Variants in LRRC9 observed in about 807,000 individuals in gnomAD.
LRRC9 encodes the protein leucine rich repeat containing 9.
Under a neutral mutation model 63.2 loss-of-function variants are expected in LRRC9, and 122 were observed. The ratio of observed to expected loss-of-function variants is 1.93; its 90% CI spans 1.67 to 2.24. The LOEUF is 2.24. Ranked by LOEUF, LRRC9 falls within the 30% of genes most tolerant of loss-of-function variation. The pLI is 0.00. For synonymous variants in LRRC9, 366 were observed against 213.1 expected (o/e 1.72, Z -6.25); for missense variants, 1,071 against 627.7 (o/e 1.71, Z -7.55).
intron 10 of LRRC9, among the ~76,000 whole-genome samples, chr14:59,965,153 T>C (rs1291536884): frequency 6.6e-6 from 1 of 152,204 alleles, no homozygotes; most frequent in Non-Finnish European, 1.5e-5. Flanking sequence ...CATCTTAATC[T>C]AGGTTCTGTG....
chr14:59,957,651 C>T (rs1883907900), intron 8 of LRRC9, among the ~76,000 whole-genome samples: 1 of 152,136 alleles, frequency 6.6e-6, no homozygotes, highest in Non-Finnish European at 1.5e-5. Context: ...GTCTCATTCT[C>T]TGTTCAGTTT....
At chr14:59,984,935 AGATTT>A (rs1887303710) in intron 16 of LRRC9, among the ~76,000 whole-genome samples, 165 bp from the exon 17 acceptor site, 1 of 152,232 alleles carries the variant, frequency 6.6e-6, no homozygotes, top group African/African-American at 2.4e-5. Context: ...ATCATAGATT[AGATTT>A]TTTTTCTTAT....
chr14:60,036,570 A>G (rs140794976), intron 29 of LRRC9, among the ~76,000 whole-genome samples: 2 of 152,308 alleles, frequency 1.3e-5, no homozygotes, highest in African/African-American at 4.8e-5. Flanking sequence ...CATCTTATGA[A>G]TAGACTCAGG....
rs1175347734 is a variant in LRRC9, at chr14:59,930,616, A to G, written c.268-302A>G. ...ACCATATGATCATAATCATTTCTAT[A>G]TGATTATAATCATAACCATATAGAA... On this transcript the variant is annotated intron_variant, in intron 3 of 31. Coordinates refer to ENST00000445360, the Ensembl canonical transcript of LRRC9. The surrounding 1 kb of genome is among the most constrained non-coding windows in gnomAD (Gnocchi z 4.9). Among the ~76,000 whole-genome samples, 2 of 151,806 alleles carry G rather than the reference A, an allele frequency of 1.3e-5. No individual in the cohort carries two copies. The highest frequency in any genetic ancestry group is 2.9e-5 in the Non-Finnish European group (2 of 67,860).
At chr14:60,050,775 T>C (rs1893828131) in intron 29 of LRRC9, among the ~76,000 whole-genome samples, 1 of 152,182 alleles carries the variant, frequency 6.6e-6, no homozygotes. Flanking sequence ...TTTTTGTTGA[T>C]GTTCTTGTCT....
At chr14:59,974,683 T>C (rs774575051) in exon 13 of LRRC9, 2 of 685,832 alleles carry the variant, frequency 2.9e-6, no homozygotes. Context: ...AGAAAATCTC[T>C]CTTAAGCATG....
At chr14:60,008,172 A>C (rs771167062) in exon 23 of LRRC9, 89 of 701,548 alleles carry the variant, frequency 1.3e-4, no homozygotes, top group Non-Finnish European at 2.1e-4. Flanking sequence ...TGTTTGTAAT[A>C]TTTCATCTTC....
intron 10 of LRRC9, among the ~76,000 whole-genome samples, chr14:59,961,559 C>T (rs1829732436): frequency 6.6e-6 from 1 of 152,034 alleles, no homozygotes; most frequent in South Asian, 2.1e-4. Context: ...TTAGAGATAG[C>T]TACAGTCAGG....
intron 12 of LRRC9, among the ~76,000 whole-genome samples, chr14:59,968,286 G>A (rs1885068771): frequency 6.6e-6 from 1 of 152,120 alleles, no homozygotes; most frequent in Admixed American, 6.6e-5. Context: ...GAGGAGGTAG[G>A]GAGTTACTGT....
At chr14:59,926,847 T>C (rs1889251544) in intron 1 of LRRC9, among the ~76,000 whole-genome samples, 2 of 152,278 alleles carry the variant, frequency 1.3e-5, no homozygotes, top group Non-Finnish European at 1.5e-5. Flanking sequence ...CTATGACCTG[T>C]ATGACAAAAT....
intron 19 of LRRC9, 95 bp from the exon 20 acceptor site, chr14:60,001,871 C>A: frequency 2.4e-6 from 1 of 419,966 alleles, no homozygotes; most frequent in African/African-American, 2.0e-5. Flanking sequence ...TTTATTGGGC[C>A]ACTCATCTTC....
At chr14:60,038,173 G>A (rs1047699742) in intron 29 of LRRC9, among the ~76,000 whole-genome samples, 1 of 152,132 alleles carries the variant, frequency 6.6e-6, no homozygotes, top group African/African-American at 2.4e-5. Flanking sequence ...CTGTAGCCTT[G>A]TAGTATAGTT....
rs1891609108 is a variant in LRRC9 at position 60,027,002 on chromosome 14, T to C, written c.3704-882T>C. 6.6e-6 allele frequency among the ~76,000 whole-genome samples: 1 copy of C among 152,016 alleles called. No individual in the cohort carries two copies. Among genetic ancestry groups the C allele is most frequent in the Non-Finnish European group, 1.5e-5 (1 of 67,964 alleles). On this transcript the variant is annotated intron_variant, in intron 27 of 31. Transcript: ENST00000445360. This position sits in a 1 kb window ranked among gnomAD's most constrained non-coding sequence, Gnocchi z 4.0. ...ATTTTGAGGTACTGGAGGTTAGGAT[T>C]TTCACATATGAATTGGAGGGGGACA...
Position 60,031,442 on chromosome 14 carries a change from GC to G in LRRC9, c.3922-552del, listed in dbSNP as rs1891983083. 6.6e-6 allele frequency among the ~76,000 whole-genome samples: 1 copy of G among 151,936 alleles called. No homozygotes were observed. Among genetic ancestry groups the G allele is most frequent in the Non-Finnish European group, 1.5e-5 (1 of 67,904 alleles). On this transcript the variant is annotated intron_variant, in intron 28 of 31. Coordinates refer to ENST00000445360, the Ensembl canonical transcript of LRRC9. The surrounding 1 kb of genome is among the most constrained non-coding windows in gnomAD (Gnocchi z 4.6). ...ATTTTGCAAAAACTAAAATGTATTT[GC>G]AAACTTTCACCAATGTTAAATGGAA...
intron 13 of LRRC9, 52 bp from the exon 14 acceptor site, chr14:59,977,173 A>G: frequency 1.6e-6 from 1 of 636,450 alleles, no homozygotes; most frequent in South Asian, 1.8e-5. Context: ...TATGTTGGAA[A>G]ATTATTAAAG....
chr14:60,019,468 C>A lies in LRRC9; in HGVS notation c.3566+208C>A, dbSNP rs1012972785. On this transcript the variant is annotated intron_variant, in intron 26 of 31. Coordinates refer to ENST00000445360, the Ensembl canonical transcript of LRRC9. ...TCTCTCATTGTTTATTCTCTGCCTTCTCCATTTCAAACCTATATTGTGAAT... is the reference window on the plus strand; with the variant it reads ...TCTCTCATTGTTTATTCTCTGCCTTATCCATTTCAAACCTATATTGTGAAT... 2.0e-5 allele frequency among the ~76,000 whole-genome samples: 3 copies of A among 151,940 alleles called. No individual in the cohort carries two copies. In the South Asian group the frequency reaches 6.2e-4, roughly 31 times the overall value.
intron 12 of LRRC9, among the ~76,000 whole-genome samples, chr14:59,970,472 G>C (rs1165117838): frequency 6.6e-6 from 1 of 152,112 alleles, no homozygotes; most frequent in Non-Finnish European, 1.5e-5. Context: ...GGGTCAAATG[G>C]TAGTTCTGTT....
At chr14:60,020,979 T>A (rs1891073784) in intron 26 of LRRC9, among the ~76,000 whole-genome samples, 1 of 151,958 alleles carries the variant, frequency 6.6e-6, no homozygotes, top group South Asian at 2.1e-4. Context: ...GCACTCATAT[T>A]TTCATTATGT....
chr14:59,959,767 C>T, intron 8 of LRRC9, 51 bp from the exon 9 acceptor site: 1 of 526,786 alleles, frequency 1.9e-6, no homozygotes, highest in Non-Finnish European at 3.4e-6. Flanking sequence ...CCGACTTTGC[C>T]TAGACCATGT....
Sources: gnomAD v4.1 joint callset for allele counts (sites outside exome capture counted in the v4.1 genomes callset) on GRCh38, gnomAD v4.1.1 for gene constraint, Gnocchi (gnomAD v3.1) non-coding constraint, MANE v1.5 for transcripts, NCBI Gene and HGNC (gene_info 2026-07-23, HGNC 2026-07-21) for gene names.